Variants in ZNF267 observed in about 807,000 individuals in gnomAD.
ZNF267 encodes the protein zinc finger (C2H2).
In ZNF267, 61 loss-of-function variants were observed where a neutral mutation model predicts 71.6. That is an observed-to-expected ratio of 0.85 (90% CI 0.69 to 1.05). ZNF267 has a LOEUF of 1.05. Among genes scored for constraint, ZNF267 ranks in the 50% least tolerant of loss-of-function variants. ZNF267 has a pLI of 0.00. For synonymous variants in ZNF267, 288 were observed against 293.2 expected (o/e 0.98, Z 0.18); for missense variants, 852 against 870.0 (o/e 0.98, Z 0.26).
chr16:31,902,947 A>G (rs888508604), intron 3 of ZNF267, among the ~76,000 whole-genome samples: 1 of 151,050 alleles, frequency 6.6e-6, no homozygotes. Flanking sequence ...GATAGCTCTT[A>G]TCTATGACGT....
At chr16:31,906,126 C>T (rs887055891) in intron 3 of ZNF267, among the ~76,000 whole-genome samples, 1 of 152,156 alleles carries the variant, frequency 6.6e-6, no homozygotes, top group African/African-American at 2.4e-5. Flanking sequence ...AATGCTGCTG[C>T]CTGATCATTC....
intron 3 of ZNF267, among the ~76,000 whole-genome samples, chr16:31,902,416 C>G (rs1421401050): frequency 1.3e-5 from 2 of 152,138 alleles, no homozygotes; most frequent in African/African-American, 4.8e-5. Flanking sequence ...TTGATTCTTC[C>G]TACCCATGAG....
At chr16:31,890,024 T>G (rs932264561) in intron 3 of ZNF267, among the ~76,000 whole-genome samples, 6 of 152,220 alleles carry the variant, frequency 3.9e-5, no homozygotes, top group Admixed American at 3.9e-4. Context: ...TAAAAAGACT[T>G]GTTTTCTATT....
In ZNF267 at chr16:31,916,616, T is replaced by C. The variant is rs189851614; in HGVS notation, c.*135T>C. The C allele has an allele frequency of 1.4e-3, 1,218 of 875,090 alleles. 14 individuals are homozygous for C. Among genetic ancestry groups the C allele is most frequent in the East Asian group, 0.01 (377 of 37,570 alleles). 54.2% of individuals were successfully genotyped at this position (875,090 alleles called of 1,614,324 possible). On this transcript the variant is annotated 3_prime_UTR_variant, in exon 4 of 4. Transcript: ENST00000300870. ...TTAACTATTTTCAAGCCTTACACAA[T>C]AGCAGAGAATATAAACTGAAAAAAT...
intron 3 of ZNF267, among the ~76,000 whole-genome samples, chr16:31,887,316 T>G (rs1343634192): frequency 1.3e-5 from 2 of 151,936 alleles, no homozygotes; most frequent in African/African-American, 4.8e-5. Context: ...AAAACTCTTA[T>G]CAGATCTATT....
intron 1 of ZNF267, chr16:31,875,214 A>T: frequency 7.8e-7 from 1 of 1,289,108 alleles, no homozygotes; most frequent in South Asian, 1.2e-5. Context: ...ACTGTCTGGG[A>T]TGACTCAAGA....
At position 31,873,902 on chromosome 16, in the gene ZNF267, C is replaced by T; in HGVS notation, c.-65C>T. 1 of 1,610,804 alleles carries T rather than the reference C, an allele frequency of 6.2e-7. No individual in the cohort carries two copies. The highest frequency in any genetic ancestry group is 1.3e-5 in the African/African-American group (1 of 74,954). ...CTGAGAATAAACAGAACCTCTGTTG[C>T]TCTGCGACTTGCAGGCACTGGGAGA... On this transcript the variant is annotated 5_prime_UTR_variant, in exon 1 of 4. Coordinates refer to ENST00000300870, the MANE Select transcript of ZNF267 (RefSeq NM_003414.6).
intron 3 of ZNF267, among the ~76,000 whole-genome samples, chr16:31,887,877 T>C (rs868323613): frequency 1.3e-5 from 2 of 152,270 alleles, no homozygotes; most frequent in Middle Eastern, 3.4e-3. Flanking sequence ...TGTGATTCCA[T>C]TGAAGTTTTA....
chr16:31,879,542 G>A (rs1258965595), intron 1 of ZNF267, among the ~76,000 whole-genome samples: 3 of 152,078 alleles, frequency 2.0e-5, no homozygotes, highest in East Asian at 1.9e-4. Flanking sequence ...AAACCTGTAC[G>A]ATGCCTGTAA....
intron 3 of ZNF267, among the ~76,000 whole-genome samples, chr16:31,888,357 T>G (rs750028036): frequency 1.3e-5 from 2 of 152,072 alleles, no homozygotes; most frequent in Non-Finnish European, 2.9e-5. Flanking sequence ...TGCCTTTTTG[T>G]TTCTTTTTCT....
At chr16:31,907,879 T>C (rs540235358) in intron 3 of ZNF267, among the ~76,000 whole-genome samples, 1 of 148,542 alleles carries the variant, frequency 6.7e-6, no homozygotes, top group South Asian at 2.1e-4. Flanking sequence ...TACTAAAAAT[T>C]GAAAAAAAAA....
At chr16:31,904,487 A>G (rs2084070657) in intron 3 of ZNF267, among the ~76,000 whole-genome samples, 1 of 152,246 alleles carries the variant, frequency 6.6e-6, no homozygotes, top group African/African-American at 2.4e-5. Flanking sequence ...GGGTACATAT[A>G]TATTTAGGAT....
At chr16:31,900,215 A>G (rs1293618751) in intron 3 of ZNF267, among the ~76,000 whole-genome samples, 1 of 152,116 alleles carries the variant, frequency 6.6e-6, no homozygotes, top group Non-Finnish European at 1.5e-5. Context: ...TGTCTTTTCA[A>G]ATGTATAGCA....
intron 3 of ZNF267, chr16:31,914,201 C>G: frequency 2.8e-6 from 1 of 363,106 alleles, no homozygotes; most frequent in Non-Finnish European, 4.9e-6. Flanking sequence ...TCTCCGTCTC[C>G]CAAATGAACA....
intron 3 of ZNF267, among the ~76,000 whole-genome samples, chr16:31,888,936 G>A (rs2083941582): frequency 6.6e-6 from 1 of 151,622 alleles, no homozygotes; most frequent in Non-Finnish European, 1.5e-5. Context: ...ATTTGGTCAT[G>A]GGATTTTTTT....
chr16:31,900,801 ATTTAT>A (rs1039485125), intron 3 of ZNF267, among the ~76,000 whole-genome samples: 26 of 82,412 alleles, frequency 3.2e-4, no homozygotes, highest in Admixed American at 2.2e-3. Flanking sequence ...TTATTTTTTT[ATTTAT>A]TTTATTATTA....
At position 31,915,400 on chromosome 16, in the gene ZNF267, C is replaced by T. The variant is rs1348219805; in HGVS notation, c.1151C>T (p.Ala384Val). The T allele has an allele frequency of 6.2e-7, 1 of 1,613,586 alleles. No homozygotes were observed. Among genetic ancestry groups the T allele is most frequent in the Admixed American group, 1.7e-5 (1 of 59,988 alleles). Residue 384 changes from alanine to valine, a missense_variant, in exon 4 of 4, where the codon GCA (alanine) becomes GTA (valine). By Grantham distance (64) the Ala-to-Val change is moderately conservative (BLOSUM62 0). Coordinates refer to ENST00000300870, the MANE Select transcript of ZNF267 (RefSeq NM_003414.6). The stretch of plus-strand genomic sequence containing the variant: ...GGAGAAAACCTTTACAAATGTAAAG[C>T]ATGTAGCAAATCTTTTACTCGTTCC... Reference protein sequence around the residue: ...DTGENLYKCKACSKSFTRSSN... With the variant: ...DTGENLYKCKVCSKSFTRSSN...
chr16:31,874,911 T>A (rs146489331), intron 1 of ZNF267, among the ~76,000 whole-genome samples: 1 of 152,332 alleles, frequency 6.6e-6, no homozygotes, highest in African/African-American at 2.4e-5. Flanking sequence ...TCATTTATTG[T>A]ACATTTCAGA....
In ZNF267 at chr16:31,911,344, T is replaced by C. The variant is rs564681258; in HGVS notation, c.227-3132T>C. ...GCTCTAATACTCTATGTCTCAGTGC[T>C]TTAGTGTAGGGTGCATGGATATTTA... On this transcript the variant is annotated intron_variant, in intron 3 of 3. Transcript: ENST00000300870. Among the ~76,000 whole-genome samples, 24 of 151,814 alleles carry C rather than the reference T, an allele frequency of 1.6e-4. No individual in the cohort carries two copies. In the South Asian group the frequency reaches 5.0e-3, roughly 31 times the overall value.
Sources: gnomAD v4.1 joint callset for allele counts (sites outside exome capture counted in the v4.1 genomes callset) on GRCh38, gnomAD v4.1.1 for gene constraint, MANE v1.5 for transcripts, NCBI Gene and HGNC (gene_info 2026-07-23, HGNC 2026-07-21) for gene names.